Variants in POLR3B observed in about 807,000 individuals in gnomAD.
POLR3B encodes the protein RNA polymerase III subunit B, also known as DNA-directed RNA polymerase III subunit RPC2.
Under a neutral mutation model 147.4 loss-of-function variants are expected in POLR3B, and 96 were observed. That is an observed-to-expected ratio of 0.65 (90% CI 0.55 to 0.77). POLR3B has a LOEUF of 0.77. Ranked by LOEUF, POLR3B falls within the 30% of genes least tolerant of loss-of-function variation. POLR3B has a pLI of 0.00. For synonymous variants in POLR3B, 461 were observed against 485.9 expected (o/e 0.95, Z 0.67); for missense variants, 1,036 against 1,413.5 (o/e 0.73, Z 4.28).
chr12:106,362,930 C>T (rs966504080), intron 1 of POLR3B, among the ~76,000 whole-genome samples: 6 of 151,890 alleles, frequency 4.0e-5, no homozygotes, highest in Non-Finnish European at 1.5e-5. Flanking sequence ...TCCCTTATGA[C>T]CCTTTTCAGT....
chr12:106,393,371 A>C (rs940960954), intron 10 of POLR3B, among the ~76,000 whole-genome samples: 4 of 151,954 alleles, frequency 2.6e-5, no homozygotes, highest in African/African-American at 9.7e-5. Flanking sequence ...CCGACTTAGA[A>C]TAGGGGATAT....
At chr12:106,444,879 A>G (rs1308484717) in intron 19 of POLR3B, among the ~76,000 whole-genome samples, 1 of 152,214 alleles carries the variant, frequency 6.6e-6, no homozygotes, top group Non-Finnish European at 1.5e-5. Context: ...AAATATAAAG[A>G]GAAAAGCCCT....
At chr12:106,406,081 G>A (rs1366275979) in intron 11 of POLR3B, 105 bp downstream of exon 11, 4 of 1,268,746 alleles carry the variant, frequency 3.2e-6, no homozygotes, top group African/African-American at 1.5e-5. Flanking sequence ...TTCCTCAAGA[G>A]AAAATTCTAA....
chr12:106,459,152 T>C (rs1235537090), intron 21 of POLR3B, 99 bp from the exon 22 acceptor site: 4 of 762,682 alleles, frequency 5.2e-6, no homozygotes, highest in Non-Finnish European at 9.5e-6. Context: ...GCCTCCTGAG[T>C]TGTTGGGACT....
At chr12:106,466,493 A>G (rs1038716419) in intron 23 of POLR3B, among the ~76,000 whole-genome samples, 2 of 152,076 alleles carry the variant, frequency 1.3e-5, no homozygotes, top group African/African-American at 2.4e-5. Flanking sequence ...TTTTGTTGCC[A>G]TTGCTTTTGG....
chr12:106,419,244 G>A lies in POLR3B; in HGVS notation c.1102-7953G>A, dbSNP rs571855682. Among the ~76,000 whole-genome samples, 4 of 152,266 alleles carry A rather than the reference G, an allele frequency of 2.6e-5. No individual in the cohort carries two copies. In the East Asian group the frequency reaches 5.8e-4, roughly 22 times the overall value. ...TGTAAGAAAGGATTAAGCTCTCAGA[G>A]GAGGAAGTTTTCTTTTTAGAACACT... On this transcript the variant is annotated intron_variant, in intron 12 of 27. Transcript: ENST00000228347.
chr12:106,375,219 C>T (rs1324228288), intron 6 of POLR3B, among the ~76,000 whole-genome samples: 1 of 152,182 alleles, frequency 6.6e-6, no homozygotes, highest in African/African-American at 2.4e-5. Context: ...AGTCATCCTT[C>T]CCTTTTTGGT....
chr12:106,456,020 C>T (rs983514276), intron 20 of POLR3B, among the ~76,000 whole-genome samples: 1 of 152,074 alleles, frequency 6.6e-6, no homozygotes. Context: ...ATTTTACTGC[C>T]ATGCATTTAT....
intron 23 of POLR3B, among the ~76,000 whole-genome samples, chr12:106,478,916 A>G (rs1284640438): frequency 6.6e-6 from 1 of 152,196 alleles, no homozygotes; most frequent in Non-Finnish European, 1.5e-5. Flanking sequence ...ATGGTCATCT[A>G]AATTCCATGT....
intron 10 of POLR3B, among the ~76,000 whole-genome samples, chr12:106,404,195 A>G (rs1310185120): frequency 6.6e-6 from 1 of 151,660 alleles, no homozygotes; most frequent in East Asian, 1.9e-4. Flanking sequence ...GGTTCAAGCA[A>G]TTCTCCTGCC....
intron 10 of POLR3B, among the ~76,000 whole-genome samples, chr12:106,403,202 T>TG: frequency 6.6e-6 from 1 of 151,710 alleles, no homozygotes; most frequent in South Asian, 2.1e-4. Flanking sequence ...AAAAGACACA[T>TG]GAAAAAATGC....
chr12:106,396,540 A>C (rs936566657), intron 10 of POLR3B, among the ~76,000 whole-genome samples: 3 of 152,226 alleles, frequency 2.0e-5, no homozygotes, highest in Non-Finnish European at 2.9e-5. Flanking sequence ...TAGGAAAAAC[A>C]TACATGTAAA....
intron 12 of POLR3B, among the ~76,000 whole-genome samples, 155 bp from the exon 13 acceptor site, chr12:106,427,042 A>C (rs201336289): frequency 1.3e-5 from 2 of 152,056 alleles, no homozygotes; most frequent in East Asian, 1.9e-4. Context: ...AATTATGTAC[A>C]TATCTGTCAA....
At chr12:106,459,175 A>T (rs1050058067) in intron 21 of POLR3B, 76 bp from the exon 22 acceptor site, 1 of 859,184 alleles carries the variant, frequency 1.2e-6, no homozygotes, top group East Asian at 2.5e-5. Context: ...AGGCCTGTGC[A>T]TCTTTGCCTA....
At chr12:106,477,088 A>G (rs2137052373) in intron 23 of POLR3B, among the ~76,000 whole-genome samples, 1 of 144,424 alleles carries the variant, frequency 6.9e-6, no homozygotes, top group Middle Eastern at 3.5e-3. Context: ...CTTCTAACAG[A>G]CAGGACCCTC....
At chr12:106,448,423 A>ATTTATT (rs2037751837) in intron 19 of POLR3B, among the ~76,000 whole-genome samples, 1 of 48,530 alleles carries the variant, frequency 2.1e-5, no homozygotes, top group Non-Finnish European at 4.5e-5. Context: ...TACATACGTT[A>ATTTATT]TTTCTTTTTT....
chr12:106,365,438 T>A (rs2036521475), intron 2 of POLR3B, among the ~76,000 whole-genome samples: 1 of 152,168 alleles, frequency 6.6e-6, no homozygotes, highest in South Asian at 2.1e-4. Flanking sequence ...CAGGCTGGAT[T>A]TGAACTCCTG....
intron 10 of POLR3B, among the ~76,000 whole-genome samples, chr12:106,397,060 G>A (rs1338352227): frequency 2.0e-5 from 3 of 151,724 alleles, no homozygotes; most frequent in African/African-American, 4.8e-5. Flanking sequence ...AGGAGATTGA[G>A]GCTGCAGTGA....
At chr12:106,489,753 G>A (rs574682774) in intron 23 of POLR3B, among the ~76,000 whole-genome samples, 5 of 152,304 alleles carry the variant, frequency 3.3e-5, no homozygotes, top group Non-Finnish European at 5.9e-5. Context: ...CTGATTTAAA[G>A]TAATAATAAT....
Sources: gnomAD v4.1 joint callset for allele counts (sites outside exome capture counted in the v4.1 genomes callset) on GRCh38, gnomAD v4.1.1 for gene constraint, MANE v1.5 for transcripts, NCBI Gene and HGNC (gene_info 2026-07-23, HGNC 2026-07-21) for gene names.